The following TOM1L2 variants were observed in gnomAD, a reference collection of about 807,000 sequenced individuals.
The protein encoded by TOM1L2 is target of myb1 like 2 membrane trafficking protein.
Under a neutral mutation model 67.9 loss-of-function variants are expected in TOM1L2, and 31 were observed. The observed-to-expected ratio is 0.46, with a 90% CI of 0.34 to 0.62. The LOEUF is 0.62. Ranked by LOEUF, TOM1L2 falls within the 20% of genes least tolerant of loss-of-function variation. The probability of loss-of-function intolerance (pLI) is 0.01; values close to 1 mark genes in which losing one functional copy is unlikely to be tolerated. For missense variants in TOM1L2, 606 were observed against 663.5 expected, an observed-to-expected ratio of 0.91 and a Z score of 0.95; for synonymous variants, 256 against 254.0, an observed-to-expected ratio of 1.01 and a Z score of -0.07.
At position 17,870,552 on chromosome 17, in the gene TOM1L2, C is replaced by T. The variant is rs115717097; in HGVS notation, c.778-1079G>A. On this transcript the variant is annotated intron_variant, in intron 7 of 14. Coordinates refer to ENST00000379504, the MANE Select transcript of TOM1L2 (RefSeq NM_001082968.2). Reference sequence around the variant, plus strand: ...CCACCTACCTGGGCACTGGAGGGTGCCAGTGAGTTAAGGGGATAAGACATG... The same window carrying T: ...CCACCTACCTGGGCACTGGAGGGTGTCAGTGAGTTAAGGGGATAAGACATG... Among the ~76,000 whole-genome samples, 469 of 152,262 alleles carry T rather than the reference C, an allele frequency of 3.1e-3. 4 individuals carry two copies. The highest frequency in any genetic ancestry group is 0.011 in the African/African-American group (440 of 41,554).
At chr17:17,877,798 TG>T (rs1364155124) in intron 7 of TOM1L2, among the ~76,000 whole-genome samples, 1 of 151,636 alleles carries the variant, frequency 6.6e-6, no homozygotes, top group Non-Finnish European at 1.5e-5. Flanking sequence ...GAAAACGTCA[TG>T]GGAAGCAACC....
At position 17,845,340 on chromosome 17, in the gene TOM1L2, A is replaced by G. The variant is rs1336214575; in HGVS notation, c.*2295T>C. On this transcript the variant is annotated 3_prime_UTR_variant, in exon 15 of 15. Coordinates refer to ENST00000379504, the MANE Select transcript of TOM1L2 (RefSeq NM_001082968.2). ...CAGGCCTCTCCAATGATGCCTGGCA[A>G]CCAGCTGGCGCTGGCGCTGGAGCTG... 6.6e-6 allele frequency: 1 copy of G among 152,248 alleles called. No individual in the cohort carries two copies. Among genetic ancestry groups the G allele is most frequent in the Non-Finnish European group, 1.5e-5 (1 of 68,048 alleles). The allele number at this position is 152,248 out of a possible 1,614,324, so 9.4% of individuals were successfully genotyped here.
intron 1 of TOM1L2, among the ~76,000 whole-genome samples, chr17:17,947,457 T>A (rs548509498): frequency 6.6e-6 from 1 of 152,268 alleles, no homozygotes; most frequent in East Asian, 1.9e-4. Context: ...AAGAAGTGAT[T>A]AAGTTAAAAT....
intron 2 of TOM1L2, among the ~76,000 whole-genome samples, chr17:17,904,750 A>T (rs1311535359): frequency 6.6e-6 from 1 of 151,920 alleles, no homozygotes; most frequent in Non-Finnish European, 1.5e-5. Flanking sequence ...CCCCAATGTC[A>T]CCCTGTCTAT....
intron 1 of TOM1L2, among the ~76,000 whole-genome samples, chr17:17,912,927 C>T (rs1036477332): frequency 6.6e-6 from 1 of 152,246 alleles, no homozygotes; most frequent in African/African-American, 2.4e-5. Flanking sequence ...ACTCCGTCTG[C>T]AATCCCGGCA....
chr17:17,891,316 C>T (rs1053245318), intron 4 of TOM1L2, among the ~76,000 whole-genome samples: 1 of 152,212 alleles, frequency 6.6e-6, no homozygotes, highest in East Asian at 1.9e-4. Context: ...TAAGGTGGTA[C>T]ATGCCCACAA....
intron 1 of TOM1L2, among the ~76,000 whole-genome samples, chr17:17,945,913 G>A (rs1032633016): frequency 1.3e-5 from 2 of 152,080 alleles, no homozygotes; most frequent in African/African-American, 4.8e-5. Context: ...GTGTCACCCA[G>A]GCTGGAGTGC....
intron 1 of TOM1L2, among the ~76,000 whole-genome samples, chr17:17,958,836 G>A (rs1477636437): frequency 1.3e-5 from 2 of 152,256 alleles, no homozygotes; most frequent in East Asian, 1.9e-4. Context: ...ACTTTTAGCC[G>A]TACCCTCATC....
intron 1 of TOM1L2, among the ~76,000 whole-genome samples, chr17:17,909,771 T>C (rs1003420326): frequency 6.6e-6 from 1 of 152,214 alleles, no homozygotes; most frequent in African/African-American, 2.4e-5. Context: ...GGCTCACACC[T>C]GTAATCTCAG....
intron 1 of TOM1L2, among the ~76,000 whole-genome samples, chr17:17,947,862 A>AG (rs2041020144): frequency 6.6e-6 from 1 of 152,140 alleles, no homozygotes; most frequent in African/African-American, 2.4e-5. Context: ...TGGTAGCATG[A>AG]GGGGTCACAC....
chr17:17,924,393 C>T (rs1307238942), intron 1 of TOM1L2, among the ~76,000 whole-genome samples: 2 of 152,040 alleles, frequency 1.3e-5, no homozygotes, highest in Non-Finnish European at 2.9e-5. Flanking sequence ...ATACTAAAAA[C>T]CACTGACTTG....
intron 1 of TOM1L2, among the ~76,000 whole-genome samples, chr17:17,943,172 T>A (rs964680350): frequency 1.3e-5 from 2 of 152,148 alleles, no homozygotes; most frequent in Admixed American, 6.5e-5. Flanking sequence ...AATAAAAAAA[T>A]ACTTCATCTC....
chr17:17,918,900 G>A (rs1333594424), intron 1 of TOM1L2, among the ~76,000 whole-genome samples: 1 of 152,198 alleles, frequency 6.6e-6, no homozygotes, highest in Non-Finnish European at 1.5e-5. Flanking sequence ...CTGGCTTTAT[G>A]CTGATGAGGG....
Position 17,882,687 on chromosome 17 carries a change from C to A in TOM1L2, c.660+18G>T. 3 of 1,612,016 alleles carry A rather than the reference C, an allele frequency of 1.9e-6. No individual in the cohort carries two copies. The South Asian group carries it at 3.3e-5, about 18-fold the overall frequency. Reference sequence around the variant, plus strand: ...GATAGTCAGCTGGCTTGCCTATGGCCCCGAAGTATGCAAGTACCTGTTCTG... The same window carrying A: ...GATAGTCAGCTGGCTTGCCTATGGCACCGAAGTATGCAAGTACCTGTTCTG... On this transcript the variant is annotated intron_variant, in intron 6 of 14. Transcript: ENST00000379504.
At chr17:17,849,780 C>G (rs2035857865) in intron 13 of TOM1L2, among the ~76,000 whole-genome samples, 1 of 152,186 alleles carries the variant, frequency 6.6e-6, no homozygotes, top group African/African-American at 2.4e-5. Context: ...CCTGGGGTCC[C>G]CCTTAGAAGT....
At chr17:17,971,321 A>G (rs1385879741) in intron 1 of TOM1L2, among the ~76,000 whole-genome samples, 1 of 152,192 alleles carries the variant, frequency 6.6e-6, no homozygotes, top group African/African-American at 2.4e-5. Flanking sequence ...GCACAAGGTC[A>G]TATGGAGTCA....
At chr17:17,920,335 ATTT>A (rs771122365) in intron 1 of TOM1L2, among the ~76,000 whole-genome samples, 2 of 93,246 alleles carry the variant, frequency 2.1e-5, no homozygotes, top group African/African-American at 4.8e-5. Flanking sequence ...AATGTTCAAT[ATTT>A]TTTTTTTTTT....
intron 7 of TOM1L2, among the ~76,000 whole-genome samples, chr17:17,877,545 G>T (rs759783053): frequency 6.6e-6 from 1 of 152,182 alleles, no homozygotes; most frequent in Non-Finnish European, 1.5e-5. Context: ...GACCCTGCCT[G>T]CTGGCTTTTG....
At chr17:17,960,526 C>T (rs117815291) in intron 1 of TOM1L2, among the ~76,000 whole-genome samples, 4,566 of 152,178 alleles carry the variant, frequency 0.03, 97 homozygotes, top group Non-Finnish European at 0.042. Flanking sequence ...TTTGTAGAGA[C>T]GGAATTTCGC....
Sources: gnomAD v4.1 joint callset for allele counts (sites outside exome capture counted in the v4.1 genomes callset) on GRCh38, gnomAD v4.1.1 for gene constraint, MANE v1.5 for transcripts, NCBI Gene and HGNC (gene_info 2026-07-23, HGNC 2026-07-21) for gene names.